Variants in FGFR2 observed in about 807,000 individuals in gnomAD.
FGFR2 encodes fibroblast growth factor receptor 2.
In FGFR2, 19 loss-of-function variants were observed where a neutral mutation model predicts 95.9. The ratio of observed to expected loss-of-function variants is 0.20; its 90% CI spans 0.14 to 0.29. The LOEUF (loss-of-function observed/expected upper bound fraction) is 0.29. FGFR2 is among the 10% of genes least tolerant of loss of function. The pLI is 1.00. For missense variants in FGFR2, 707 were observed against 1,056.9 expected (o/e 0.67, Z 4.59); for synonymous variants, 392 against 393.3 (o/e 1.00, Z 0.04).
chr10:121,530,630 T>C (rs1851965920), intron 6 of FGFR2, among the ~76,000 whole-genome samples: 1 of 152,002 alleles, frequency 6.6e-6, no homozygotes, highest in African/African-American at 2.4e-5. Context: ...TCATAAAACT[T>C]CCCAACTGAG....
chr10:121,575,410 G>A (rs1011536732), intron 2 of FGFR2, among the ~76,000 whole-genome samples: 2 of 152,120 alleles, frequency 1.3e-5, no homozygotes, highest in African/African-American at 4.8e-5. Flanking sequence ...GATGCACAGA[G>A]GGAAGGTTTT....
At position 121,518,901 on chromosome 10, in the gene FGFR2, C is replaced by G. The variant is rs1033116227; in HGVS notation, c.939+1078G>C. On this transcript the variant is annotated intron_variant, in intron 7 of 17. Transcript: ENST00000358487. The surrounding 1 kb of genome is among the most constrained non-coding windows in gnomAD (Gnocchi z 4.0). Reference sequence around the variant, plus strand: ...TTAGCATTGTCTATGGTCCCACCACCAACACACCGCAAGAAAACAAACTCC... The same window carrying G: ...TTAGCATTGTCTATGGTCCCACCACGAACACACCGCAAGAAAACAAACTCC... 3 of 1,570,340 alleles carry G rather than the reference C, an allele frequency of 1.9e-6. No individual in the cohort carries two copies. Among genetic ancestry groups the G allele is most frequent in the Non-Finnish European group, 2.6e-6 (3 of 1,141,852 alleles).
At chr10:121,491,703 T>C (rs939666592) in intron 13 of FGFR2, among the ~76,000 whole-genome samples, 1 of 151,610 alleles carries the variant, frequency 6.6e-6, no homozygotes, top group South Asian at 2.1e-4. Flanking sequence ...ACCCCATCTC[T>C]ACTAAAAACA....
In FGFR2 at chr10:121,524,144, A is replaced by ACCC. The variant is rs1354372561; in HGVS notation, c.749-3976_749-3975insGGG. On this transcript the variant is annotated intron_variant, in intron 6 of 17. Transcript: ENST00000358487. ...CACACACACACACACACACACACAC[A>ACCC]CACCCCAAGTTTGCAATGGTTTAAT... Among the ~76,000 whole-genome samples, 535 of 129,186 alleles carry ACCC rather than the reference A, an allele frequency of 4.1e-3. 1 individual carries two copies. The highest frequency in any genetic ancestry group is 7.0e-3 in the East Asian group (32 of 4,542). 84.8% of individuals were successfully genotyped at this position (129,186 alleles called of 152,430 possible).
intron 11 of FGFR2, among the ~76,000 whole-genome samples, chr10:121,499,689 C>A (rs1433692579): frequency 6.6e-6 from 1 of 152,222 alleles, no homozygotes; most frequent in East Asian, 1.9e-4. Flanking sequence ...AGATGAGAAG[C>A]CTGGGTCCTC....
At chr10:121,512,530 T>C (rs1849185715) in intron 9 of FGFR2, among the ~76,000 whole-genome samples, 1 of 152,174 alleles carries the variant, frequency 6.6e-6, no homozygotes, top group Non-Finnish European at 1.5e-5. Context: ...ACATTTTCTT[T>C]TTTTTCCCAC....
chr10:121,577,229 ACACCGAGACTATGC>A (rs1386468470), intron 2 of FGFR2, among the ~76,000 whole-genome samples: 1 of 136,084 alleles, frequency 7.3e-6, no homozygotes, highest in Non-Finnish European at 1.6e-5. Flanking sequence ...CCTGTCACTG[ACACCGAGACTATGC>A]CACTTACAAA....
chr10:121,564,491 C>T lies in FGFR2; in HGVS notation c.454+11G>A. 6.2e-7 allele frequency: 1 copy of T among 1,612,712 alleles called. No homozygotes were observed. Among genetic ancestry groups the T allele is most frequent in the East Asian group, 2.2e-5 (1 of 44,860 alleles). ...TCTCTCGGGGACCATCGGAGCCGGG[C>T]AGTTACTTACTCTTGTTGTTACTGT... On this transcript the variant is annotated intron_variant, in intron 4 of 17. Coordinates refer to ENST00000358487, the MANE Select transcript of FGFR2 (RefSeq NM_000141.5).
intron 6 of FGFR2, among the ~76,000 whole-genome samples, chr10:121,522,658 C>G (rs1449394875): frequency 1.3e-5 from 2 of 152,320 alleles, no homozygotes; most frequent in Admixed American, 1.3e-4. Flanking sequence ...CACCAGACCA[C>G]CAGACTGCTA....
intron 2 of FGFR2, among the ~76,000 whole-genome samples, chr10:121,588,662 A>G (rs1421101657): frequency 6.6e-6 from 1 of 152,182 alleles, no homozygotes. Context: ...GGTGGCTCAC[A>G]CTTGTAATCC....
chr10:121,545,590 G>A (rs1217029971), intron 5 of FGFR2, among the ~76,000 whole-genome samples: 2 of 152,054 alleles, frequency 1.3e-5, no homozygotes, highest in Non-Finnish European at 2.9e-5. Flanking sequence ...TGCTTGATGT[G>A]GGATTAAAGC....
intron 2 of FGFR2, among the ~76,000 whole-genome samples, chr10:121,576,296 CTAT>C (rs1564723663): frequency 2.6e-5 from 4 of 152,214 alleles, no homozygotes; most frequent in Non-Finnish European, 5.9e-5. Context: ...ACGTTACAAG[CTAT>C]GTTGAAGTCC....
intron 2 of FGFR2, among the ~76,000 whole-genome samples, chr10:121,589,842 A>G (rs1742661086): frequency 6.6e-6 from 1 of 152,270 alleles, no homozygotes; most frequent in African/African-American, 2.4e-5. Flanking sequence ...CTTAAATATT[A>G]ACACTCATAT....
intron 2 of FGFR2, among the ~76,000 whole-genome samples, chr10:121,571,680 G>A (rs61874069): frequency 0.2 from 29,821 of 151,164 alleles, 3,087 homozygotes; most frequent in Non-Finnish European, 0.23. Context: ...GCGGTGGCTC[G>A]TGCTTGTAAT....
intron 14 of FGFR2, 104 bp downstream of exon 14, chr10:121,487,887 T>C: frequency 6.9e-7 from 1 of 1,444,638 alleles, no homozygotes; most frequent in Non-Finnish European, 9.7e-7. Flanking sequence ...GGGGAATGGG[T>C]CCCCAGCCAT....
intron 6 of FGFR2, among the ~76,000 whole-genome samples, chr10:121,524,146 A>ACACCCC (rs142755962): frequency 1.3e-3 from 184 of 136,940 alleles, no homozygotes; most frequent in Admixed American, 5.3e-3. Flanking sequence ...ACACACACAC[A>ACACCCC]CCCCAAGTTT....
At chr10:121,548,935 C>T (rs945905749) in intron 5 of FGFR2, among the ~76,000 whole-genome samples, 1 of 152,004 alleles carries the variant, frequency 6.6e-6, no homozygotes, top group Non-Finnish European at 1.5e-5. Flanking sequence ...TGAATCTCAT[C>T]GTATCTGGTC....
intron 5 of FGFR2, among the ~76,000 whole-genome samples, chr10:121,545,165 C>G (rs375070336): frequency 1.3e-5 from 2 of 152,112 alleles, no homozygotes; most frequent in East Asian, 1.9e-4. Context: ...ATAAATAACC[C>G]ACAGAGGTCT....
Position 121,481,827 on chromosome 10 carries a change from CTTTTTTATTTTTATTT to C in FGFR2, c.2302-1822_2302-1807del, listed in dbSNP as rs1388201802. The C allele has an allele frequency of 2.8e-5, 5 of 179,038 alleles. 1 individual carries two copies. Among genetic ancestry groups the C allele is most frequent in the East Asian group, 2.6e-4 (2 of 7,570 alleles). The allele number at this position is 179,038 out of a possible 1,614,324, so 11.1% of individuals were successfully genotyped here. On this transcript the variant is annotated intron_variant, in intron 17 of 17. Transcript: ENST00000358487. ...CTTTAGTGCTTTTCCCGGTTTCTTT[CTTTTTTATTTTTATTT>C]TTTTTTTTTTTGAGACGGAGTCTCG...
Sources: gnomAD v4.1 joint callset for allele counts (sites outside exome capture counted in the v4.1 genomes callset) on GRCh38, gnomAD v4.1.1 for gene constraint, Gnocchi (gnomAD v3.1) non-coding constraint, MANE v1.5 for transcripts, NCBI Gene and HGNC (gene_info 2026-07-23, HGNC 2026-07-21) for gene names.